Variants in PLCB1 observed in about 807,000 individuals in gnomAD.
The protein encoded by PLCB1 is phospholipase C beta 1, also known as 1-phosphatidylinositol 4,5-bisphosphate phosphodiesterase beta-1.
In PLCB1, 46 loss-of-function variants were observed where a neutral mutation model predicts 161.8. That is an observed-to-expected ratio of 0.28 (90% CI 0.22 to 0.36). The LOEUF is 0.36. PLCB1 is among the 10% of genes least tolerant of loss of function. The pLI is 1.00. For missense variants in PLCB1, 1,016 were observed against 1,472.5 expected (o/e 0.69, Z 5.07); for synonymous variants, 517 against 503.7 (o/e 1.03, Z -0.35).
chr20:8,469,680 T>C (rs1157294228), intron 3 of PLCB1, among the ~76,000 whole-genome samples: 2 of 152,290 alleles, frequency 1.3e-5, no homozygotes, highest in East Asian at 3.9e-4. Context: ...CTTTCCATTT[T>C]TTCCAGCTTT....
At chr20:8,328,798 C>T (rs1985255050) in intron 2 of PLCB1, among the ~76,000 whole-genome samples, 1 of 152,026 alleles carries the variant, frequency 6.6e-6, no homozygotes, top group African/African-American at 2.4e-5. Context: ...TAGAGGACTC[C>T]CTGGGGTGAG....
chr20:8,469,707 G>A (rs568813279), intron 3 of PLCB1, among the ~76,000 whole-genome samples: 1 of 152,184 alleles, frequency 6.6e-6, no homozygotes, highest in African/African-American at 2.4e-5. Context: ...TTTCACAGCA[G>A]CCATTTATCA....
chr20:8,507,834 A>G (rs1414373098), intron 3 of PLCB1, among the ~76,000 whole-genome samples: 1 of 152,208 alleles, frequency 6.6e-6, no homozygotes, highest in Non-Finnish European at 1.5e-5. Context: ...CAAAAAATGG[A>G]ATAAGAAAAA....
Position 8,757,077 on chromosome 20 carries a change from C to T in PLCB1, c.2555C>T (p.Pro852Leu). The stretch of plus-strand genomic sequence containing the variant: ...CCTGGAGAAACACCATCAGAGGCTC[C>T]AAGTGAAGCGAGAACGACTCCAGCA... ...ADPGETPSEAPSEARTTPAEN... is the reference protein window; with the variant it reads ...ADPGETPSEALSEARTTPAEN... Residue 852 changes from proline to leucine, a missense_variant, in exon 24 of 32, where the codon CCA (proline) becomes CTA (leucine). Pro to Leu is a moderately conservative substitution (Grantham distance 98, BLOSUM62 -3). Around this residue, in one of 10 missense-constraint regions of PLCB1, gnomAD observed 398 missense variants for 445.4 expected, o/e 0.89. Transcript: ENST00000338037. 1 of 1,606,380 alleles carries T rather than the reference C, an allele frequency of 6.2e-7. No individual in the cohort carries two copies. Among genetic ancestry groups the T allele is most frequent in the Non-Finnish European group, 8.5e-7 (1 of 1,173,536 alleles).
At chr20:8,432,907 C>A (rs1280755174) in intron 3 of PLCB1, among the ~76,000 whole-genome samples, 1 of 152,168 alleles carries the variant, frequency 6.6e-6, no homozygotes, top group African/African-American at 2.4e-5. Context: ...TGGATGATTT[C>A]TGCCAGTGGC....
intron 3 of PLCB1, among the ~76,000 whole-genome samples, chr20:8,421,160 C>T (rs745888315): frequency 9.9e-5 from 15 of 152,122 alleles, no homozygotes; most frequent in Non-Finnish European, 1.9e-4. Context: ...TTTGTGAGCT[C>T]ATTGATGTAA....
intron 27 of PLCB1, among the ~76,000 whole-genome samples, chr20:8,779,300 C>A (rs1983090762): frequency 6.6e-6 from 1 of 151,854 alleles, no homozygotes; most frequent in African/African-American, 2.4e-5. Flanking sequence ...AACACGATCA[C>A]CACACACACT....
At chr20:8,387,977 TAAA>T (rs1555802977) in intron 3 of PLCB1, among the ~76,000 whole-genome samples, 2 of 126,798 alleles carry the variant, frequency 1.6e-5, no homozygotes, top group Non-Finnish European at 3.3e-5. Context: ...CCACTTTTTT[TAAA>T]AAAAAAAAAA....
intron 3 of PLCB1, among the ~76,000 whole-genome samples, chr20:8,427,797 G>T (rs555551096): frequency 6.6e-6 from 1 of 152,124 alleles, no homozygotes; most frequent in African/African-American, 2.4e-5. Context: ...ACCAGCTGGC[G>T]TCAGTAGTTT....
chr20:8,425,375 G>C lies in PLCB1; in HGVS notation c.246+53925G>C, dbSNP rs1703635. 1.2e-3 allele frequency among the ~76,000 whole-genome samples: 176 copies of C among 152,234 alleles called. 1 individual carries two copies. Among genetic ancestry groups the C allele is most frequent in the Non-Finnish European group, 1.7e-3 (118 of 68,008 alleles). On this transcript the variant is annotated intron_variant, in intron 3 of 31. Transcript: ENST00000338037. ...AGTTCCAGGAAATTGGCATGAAACAGTCTTAGGTTCCCTGCCTCCAGGCCC... is the reference window on the plus strand; with the variant it reads ...AGTTCCAGGAAATTGGCATGAAACACTCTTAGGTTCCCTGCCTCCAGGCCC...
intron 2 of PLCB1, among the ~76,000 whole-genome samples, chr20:8,194,135 A>G (rs1262676445): frequency 6.6e-6 from 1 of 151,900 alleles, no homozygotes; most frequent in Non-Finnish European, 1.5e-5. Context: ...ACTTATTTTG[A>G]TCTTTATGGT....
chr20:8,523,398 A>ATGTGTGTG (rs34787623), intron 3 of PLCB1, among the ~76,000 whole-genome samples: 99 of 122,578 alleles, frequency 8.1e-4, no homozygotes, highest in African/African-American at 2.9e-3. Flanking sequence ...CATAACAAAT[A>ATGTGTGTG]TGTGTGTGTG....
chr20:8,188,109 A>G (rs1395147366), intron 2 of PLCB1, among the ~76,000 whole-genome samples: 3 of 152,056 alleles, frequency 2.0e-5, no homozygotes, highest in Non-Finnish European at 4.4e-5. Context: ...CAGGCTCAGG[A>G]TGTGTATGAG....
At chr20:8,541,553 AG>A in intron 3 of PLCB1, among the ~76,000 whole-genome samples, 1 of 149,888 alleles carries the variant, frequency 6.7e-6, no homozygotes, top group African/African-American at 2.4e-5. Flanking sequence ...AGATAATGAA[AG>A]GAAGAAAGAG....
Position 8,236,663 on chromosome 20 carries a change from T to A in PLCB1, c.177+86292T>A, listed in dbSNP as rs956330303. On this transcript the variant is annotated intron_variant, in intron 2 of 31. Transcript: ENST00000338037. The stretch of plus-strand genomic sequence containing the variant: ...ACTTGATAGCACCATTATTTAAAAA[T>A]ACTTCTACACAAAACAATTCACAAA... Among the ~76,000 whole-genome samples the A allele has an allele frequency of 9.9e-5, 15 of 152,030 alleles. No individual in the cohort carries two copies. In the East Asian group the frequency reaches 2.7e-3, roughly 27 times the overall value.
intron 13 of PLCB1, among the ~76,000 whole-genome samples, chr20:8,717,277 G>A (rs147268639): frequency 1.4e-4 from 22 of 152,272 alleles, no homozygotes; most frequent in African/African-American, 3.4e-4. Flanking sequence ...GCTTCTGCCC[G>A]TCTTTACCAA....
At chr20:8,261,620 C>T (rs973854513) in intron 2 of PLCB1, among the ~76,000 whole-genome samples, 1 of 152,018 alleles carries the variant, frequency 6.6e-6, no homozygotes, top group African/African-American at 2.4e-5. Context: ...TTTATGGAGA[C>T]TTTTATCTAG....
At chr20:8,782,233 AG>A (rs2146212735) in intron 27 of PLCB1, among the ~76,000 whole-genome samples, 2 of 152,284 alleles carry the variant, frequency 1.3e-5, no homozygotes, top group East Asian at 3.9e-4. Flanking sequence ...GAAGGGAGCT[AG>A]TAGAGATTAT....
At chr20:8,301,471 A>G (rs944480264) in intron 2 of PLCB1, among the ~76,000 whole-genome samples, 52 of 152,174 alleles carry the variant, frequency 3.4e-4, no homozygotes, top group African/African-American at 1.1e-3. Flanking sequence ...GCAAGGAATC[A>G]AGGGGATTAT....
Sources: allele counts gnomAD v4.1 joint callset (sites outside exome capture counted in the v4.1 genomes callset), GRCh38; gene constraint gnomAD v4.1.1; regional missense constraint gnomAD v4.1.1; transcripts MANE v1.5; gene names NCBI Gene and HGNC (gene_info 2026-07-23, HGNC 2026-07-21).